The following HTR3B variants were observed in gnomAD, a reference collection of about 807,000 sequenced individuals.
HTR3B encodes 5-hydroxytryptamine receptor 3B, also known as 5-hydroxytryptamine (serotonin) receptor 3B, ionotropic.
In HTR3B, 44 loss-of-function variants were observed where a neutral mutation model predicts 42.8. That is an observed-to-expected ratio of 1.03 (90% CI 0.81 to 1.32). HTR3B has a LOEUF of 1.32. Among genes scored for constraint, HTR3B ranks in the 40% most tolerant of loss-of-function variants. The probability of loss-of-function intolerance (pLI) is 0.00; values close to 1 mark genes in which losing one functional copy is unlikely to be tolerated. For synonymous variants in HTR3B, 203 were observed against 209.0 expected, an observed-to-expected ratio of 0.97 and a Z score of 0.25; for missense variants, 527 against 536.5, an observed-to-expected ratio of 0.98 and a Z score of 0.17.
At position 113,946,760 on chromosome 11, in the gene HTR3B, T is replaced by C. The variant is rs1428389693; in HGVS notation, c.*623T>C. ...ATTTCTAGGCACACACATGCATCTA[T>C]GTATGGTTAAGCAGTTTTTTAAAAA... On this transcript the variant is annotated 3_prime_UTR_variant, in exon 9 of 9. Coordinates refer to ENST00000260191, the MANE Select transcript of HTR3B (RefSeq NM_006028.5). Among the ~76,000 whole-genome samples the C allele has an allele frequency of 1.3e-5, 2 of 152,232 alleles. No individual in the cohort carries two copies. The highest frequency in any genetic ancestry group is 2.9e-5 in the Non-Finnish European group (2 of 68,044).
chr11:113,935,552 C>A (rs1211631652), intron 6 of HTR3B, among the ~76,000 whole-genome samples: 1 of 148,066 alleles, frequency 6.8e-6, no homozygotes, highest in Non-Finnish European at 1.5e-5. Flanking sequence ...AGTTTTCTGC[C>A]TCCCAACCTC....
intron 2 of HTR3B, among the ~76,000 whole-genome samples, chr11:113,912,415 T>C (rs1198946406): frequency 6.6e-6 from 1 of 152,158 alleles, no homozygotes; most frequent in East Asian, 1.9e-4. Context: ...AGCTAATTTT[T>C]TGTATTTTTA....
intron 6 of HTR3B, among the ~76,000 whole-genome samples, chr11:113,937,105 A>T (rs1186644317): frequency 1.1e-4 from 17 of 152,182 alleles, no homozygotes; most frequent in Admixed American, 1.1e-3. Flanking sequence ...GTGGAATTTA[A>T]AGGCACCAGC....
At chr11:113,914,195 C>T (rs1565557467) in intron 2 of HTR3B, among the ~76,000 whole-genome samples, 2 of 152,056 alleles carry the variant, frequency 1.3e-5, no homozygotes, top group East Asian at 3.9e-4. Context: ...TGGCTGGGCG[C>T]AGTGGCTTAC....
chr11:113,944,542 G>A, intron 7 of HTR3B, 31 bp from the exon 8 acceptor site: 1 of 1,603,716 alleles, frequency 6.2e-7, no homozygotes, highest in Non-Finnish European at 8.5e-7. Flanking sequence ...TCAGACTGGA[G>A]GCTAACTGCA....
At chr11:113,926,651 G>A (rs1014251196) in intron 2 of HTR3B, among the ~76,000 whole-genome samples, 1 of 151,534 alleles carries the variant, frequency 6.6e-6, no homozygotes, top group African/African-American at 2.4e-5. Context: ...CCTCAGCCTC[G>A]CAAGTAGCTG....
intron 2 of HTR3B, among the ~76,000 whole-genome samples, chr11:113,925,428 T>G (rs1591578192): frequency 6.8e-6 from 1 of 146,694 alleles, no homozygotes; most frequent in Admixed American, 6.8e-5. Flanking sequence ...TTTTTTTTTT[T>G]TTTTTTTTTT....
intron 7 of HTR3B, among the ~76,000 whole-genome samples, 199 bp downstream of exon 7, chr11:113,943,391 G>C (rs1311854421): frequency 6.6e-6 from 1 of 152,034 alleles, no homozygotes; most frequent in Non-Finnish European, 1.5e-5. Context: ...AATCAACAGG[G>C]CATTCAGTGC....
intron 6 of HTR3B, among the ~76,000 whole-genome samples, chr11:113,936,378 A>G (rs905478735): frequency 6.6e-6 from 1 of 152,192 alleles, no homozygotes; most frequent in Non-Finnish European, 1.5e-5. Flanking sequence ...AGGGTGTCCT[A>G]GAAAATGCAA....
upstream of HTR3B, among the ~76,000 whole-genome samples, chr11:113,900,960 A>G (rs145078355): frequency 8.1e-3 from 1,235 of 152,250 alleles, 9 homozygotes; most frequent in Non-Finnish European, 0.012. Flanking sequence ...ATCTGCCCCC[A>G]TGATCCAATA....
Position 113,946,051 on chromosome 11 carries a change from C to T in HTR3B, c.1240C>T (p.Arg414Ter), listed in dbSNP as rs369282049. Reference sequence around the variant, plus strand: ...GCTGGTCCTCCTGTCCCGCTTTGACCGACTGCTCTTCCAAAGCTACCTTTT... The same window carrying T: ...GCTGGTCCTCCTGTCCCGCTTTGACTGACTGCTCTTCCAAAGCTACCTTTT... ...EWLVLLSRFD[R>*]LLFQSYLFML... is the part of the protein sequence containing the mutation. The change falls in exon 9 of 9, where the codon CGA (arginine) becomes TGA (stop). Residue 414 changes from arginine (R) to a stop codon, truncating the protein, a stop_gained. Coordinates refer to ENST00000260191, the MANE Select transcript of HTR3B (RefSeq NM_006028.5). LOFTEE classifies it low-confidence loss of function (END_TRUNC). The T allele has an allele frequency of 1.4e-5, 23 of 1,613,854 alleles. No homozygotes were observed. Among genetic ancestry groups the T allele is most frequent in the African/African-American group, 2.7e-5 (2 of 74,846 alleles).
At chr11:113,903,072 T>C (rs1253186994), upstream of HTR3B, among the ~76,000 whole-genome samples, 1 of 152,184 alleles carries the variant, frequency 6.6e-6, no homozygotes, top group Non-Finnish European at 1.5e-5. Context: ...GGTATCCTTA[T>C]GTAGCTTAGG....
At chr11:113,932,572 G>A in intron 5 of HTR3B, 114 bp downstream of exon 5, 1 of 968,862 alleles carries the variant, frequency 1.0e-6, no homozygotes, top group Non-Finnish European at 1.5e-6. Flanking sequence ...TTAAAAATTG[G>A]AATCTCTTCT....
intron 2 of HTR3B, among the ~76,000 whole-genome samples, chr11:113,930,356 T>C (rs1950021231): frequency 6.6e-6 from 1 of 152,140 alleles, no homozygotes; most frequent in Non-Finnish European, 1.5e-5. Context: ...ATGATTCATT[T>C]TGAGTTAATG....
chr11:113,945,519 G>A (rs928665199), intron 8 of HTR3B, among the ~76,000 whole-genome samples: 14 of 152,188 alleles, frequency 9.2e-5, no homozygotes, highest in Non-Finnish European at 1.8e-4. Context: ...GTGCTGGCAT[G>A]CACGTGCACA....
intron 6 of HTR3B, among the ~76,000 whole-genome samples, chr11:113,939,283 C>T: frequency 6.6e-6 from 1 of 152,232 alleles, no homozygotes; most frequent in East Asian, 1.9e-4. Flanking sequence ...CCTCTGCCTT[C>T]ATTTACTGTT....
rs1949991227 is a variant in HTR3B at position 113,927,781 on chromosome 11, C to T, written c.214-3603C>T. Among the ~76,000 whole-genome samples the T allele has an allele frequency of 1.3e-5, 2 of 152,122 alleles. 1 individual carries two copies. Among genetic ancestry groups the T allele is most frequent in the Non-Finnish European group, 2.9e-5 (2 of 68,016 alleles). The stretch of plus-strand genomic sequence containing the variant: ...TTTCATGGGCCAGGCTGGTCTTGAA[C>T]TCCTGACATCAGTTGATCCTCCCAC... On this transcript the variant is annotated intron_variant, in intron 2 of 8. Transcript: ENST00000260191.
At chr11:113,903,818 T>C (rs1411973478), upstream of HTR3B, among the ~76,000 whole-genome samples, 4 of 152,236 alleles carry the variant, frequency 2.6e-5, no homozygotes, top group Non-Finnish European at 5.9e-5. Context: ...CAAATGGTTA[T>C]CTTAGTTTTC....
chr11:113,943,801 A>G (rs1171254964), intron 7 of HTR3B, among the ~76,000 whole-genome samples: 23 of 151,426 alleles, frequency 1.5e-4, no homozygotes, highest in African/African-American at 4.9e-4. Context: ...TGACAGAGCA[A>G]GAACGGAAGG....
Sources: gnomAD v4.1 joint callset for allele counts (sites outside exome capture counted in the v4.1 genomes callset) on GRCh38, gnomAD v4.1.1 for gene constraint, MANE v1.5 for transcripts, NCBI Gene and HGNC (gene_info 2026-07-23, HGNC 2026-07-21) for gene names.